The following PABPC1 variants were observed in gnomAD, a reference collection of about 807,000 sequenced individuals.
PABPC1 encodes the protein poly(A) binding protein cytoplasmic 1.
In PABPC1, 4 loss-of-function variants were observed where a neutral mutation model predicts 74.0. That is an observed-to-expected ratio of 0.05 (90% CI 0.03 to 0.12). PABPC1 has a LOEUF of 0.12. Among genes scored for constraint, PABPC1 ranks in the 10% least tolerant of loss-of-function variants. The pLI, the probability that PABPC1 is intolerant of heterozygous loss-of-function variation, is 1.00. For synonymous variants in PABPC1, 227 were observed against 264.1 expected (o/e 0.86, Z 1.36); for missense variants, 271 against 821.1 (o/e 0.33, Z 8.19).
At position 100,706,108 on chromosome 8, in the gene PABPC1, G is replaced by A. The variant is rs10105381; in HGVS notation, c.1603-435C>T. On this transcript the variant is annotated intron_variant, in intron 11 of 14. Transcript: ENST00000318607. The stretch of plus-strand genomic sequence containing the variant: ...GATCCACCTGCCTTGGCCTCCTGAA[G>A]TGCTGGGATTACATAGAGGTGTGAG... 7.3e-3 allele frequency among the ~76,000 whole-genome samples: 1,113 copies of A among 152,252 alleles called. 19 individuals carry two copies. The highest frequency in any genetic ancestry group is 0.026 in the African/African-American group (1,075 of 41,524).
At chr8:100,718,022 T>G in intron 2 of PABPC1, 65 bp downstream of exon 2, 2 of 1,456,708 alleles carry the variant, frequency 1.4e-6, no homozygotes, top group Non-Finnish European at 1.9e-6. Flanking sequence ...ACAGTTCCTA[T>G]TTCAAGCACT....
intron 5 of PABPC1, 22 bp downstream of exon 5, chr8:100,713,065 C>T (rs760620119): frequency 6.5e-7 from 1 of 1,532,788 alleles, no homozygotes; most frequent in Admixed American, 1.9e-5. Flanking sequence ...CCCCTTCTTC[C>T]TGCTGAATAC....
At chr8:100,705,893 G>A (rs1810366542) in intron 11 of PABPC1, among the ~76,000 whole-genome samples, 1 of 152,172 alleles carries the variant, frequency 6.6e-6, no homozygotes, top group Admixed American at 6.5e-5. Context: ...TTGTCGCCCA[G>A]GCTGGAATGC....
At position 100,710,244 on chromosome 8, in the gene PABPC1, A is replaced by G. The variant is rs150952391; in HGVS notation, c.973-513T>C. The stretch of plus-strand genomic sequence containing the variant: ...AGGATCCATAAATATTACGGTATAA[A>G]GAACACTCAAGAGGAAGGTTCTTCT... On this transcript the variant is annotated intron_variant, in intron 7 of 14. Transcript: ENST00000318607. Among the ~76,000 whole-genome samples, 506 of 152,356 alleles carry G rather than the reference A, an allele frequency of 3.3e-3. 8 individuals carry two copies. The highest frequency in any genetic ancestry group is 0.012 in the African/African-American group (488 of 41,578).
chr8:100,704,429 G>C (rs938330798), intron 13 of PABPC1, 39 bp from the exon 14 acceptor site: 1 of 1,507,116 alleles, frequency 6.6e-7, no homozygotes, highest in Non-Finnish European at 9.2e-7. Context: ...TTCAGGAAAG[G>C]AATGGAAATA....
At chr8:100,716,446 T>A (rs543335238) in intron 3 of PABPC1, among the ~76,000 whole-genome samples, 2 of 152,092 alleles carry the variant, frequency 1.3e-5, no homozygotes, top group Non-Finnish European at 2.9e-5. Context: ...AGGTAGCACA[T>A]GTGTCATAGC....
chr8:100,704,853 G>A (rs1287535453), intron 13 of PABPC1, 73 bp downstream of exon 13: 1 of 1,438,776 alleles, frequency 7.0e-7, no homozygotes, highest in Non-Finnish European at 9.7e-7. Context: ...TAAGTGTTCT[G>A]TACAATTAAG....
In PABPC1 at chr8:100,721,722, A is replaced by C. The variant is rs1466954581; in HGVS notation, c.-139T>G. On this transcript the variant is annotated 5_prime_UTR_variant, in exon 1 of 15. Transcript: ENST00000318607. This position sits in a 1 kb window ranked among gnomAD's most constrained non-coding sequence, Gnocchi z 7.4. ...AGGGACAAAAATCAACCGGAATTGA[A>C]AACTACTCAACGGCCGCAGAACGGG... The C allele has an allele frequency of 5.7e-6, 4 of 706,024 alleles. No individual in the cohort carries two copies. In the African/African-American group the frequency reaches 7.4e-5, roughly 13 times the overall value. The allele number at this position is 706,024 out of a possible 1,614,324, so 43.7% of individuals were successfully genotyped here.
intron 3 of PABPC1, among the ~76,000 whole-genome samples, chr8:100,716,448 T>C (rs1810672227): frequency 6.6e-6 from 1 of 152,166 alleles, no homozygotes; most frequent in African/African-American, 2.4e-5. Context: ...GTAGCACATG[T>C]GTCATAGCAT....
rs1563616239 is a variant in PABPC1 at position 100,718,294 on chromosome 8, A to G, written c.194-14T>C. 2 of 1,603,388 alleles carry G rather than the reference A, an allele frequency of 1.2e-6. No individual in the cohort carries two copies. Among genetic ancestry groups the G allele is most frequent in the African/African-American group, 1.3e-5 (1 of 74,662 alleles). ...AAGCACGCTCCGCTGCAGGAAGGAC[A>G]TTTTCAGAGTCAATATTACTTCAAA... On this transcript the variant is annotated splice_polypyrimidine_tract_variant and intron_variant, in intron 1 of 14. Transcript: ENST00000318607.
intron 7 of PABPC1, among the ~76,000 whole-genome samples, chr8:100,710,797 G>T (rs1810508118): frequency 6.6e-6 from 1 of 151,592 alleles, no homozygotes; most frequent in African/African-American, 2.4e-5. Context: ...GACCAGCCTG[G>T]CCAACGTGGC....
intron 14 of PABPC1, 63 bp downstream of exon 14, chr8:100,704,233 CA>C: frequency 8.0e-7 from 1 of 1,257,068 alleles, no homozygotes; most frequent in Non-Finnish European, 1.2e-6. Context: ...AAAATATGCT[CA>C]ACAAACTTTA....
intron 6 of PABPC1, 43 bp from the exon 7 acceptor site, chr8:100,712,500 T>A (rs755782947): frequency 6.8e-7 from 1 of 1,474,384 alleles, no homozygotes; most frequent in South Asian, 1.2e-5. Flanking sequence ...AAAACCATGG[T>A]GGTACCTAAG....
In PABPC1 at chr8:100,712,740, A is replaced by G; in HGVS notation, c.788T>C (p.Val263Ala). 6.2e-7 allele frequency: 1 copy of G among 1,613,140 alleles called. No individual in the cohort carries two copies. The highest frequency in any genetic ancestry group is 8.5e-7 in the Non-Finnish European group (1 of 1,179,830). The change falls in exon 6 of 15, where the codon GTT (valine) becomes GCT (alanine). Residue 263 changes from valine to alanine, a missense_variant. Physicochemically the swap from Val to Ala is moderately conservative, Grantham distance 64. This residue lies in a region of PABPC1 where 78 missense variants were observed against 202.8 expected (regional missense o/e 0.38). Transcript: ENST00000318607. The stretch of plus-strand genomic sequence containing the variant: ...TTCCACCTTTTTCTGAGCTCGACCA[A>G]CATAAATTTGTTTTCCATTGAGCTC... ...GKELNGKQIY[V>A]GRAQKKVERQ...
chr8:100,717,198 C>T (rs998765877), intron 3 of PABPC1, among the ~76,000 whole-genome samples: 10 of 152,020 alleles, frequency 6.6e-5, no homozygotes, highest in Non-Finnish European at 1.0e-4. Context: ...TTAGTAGAGA[C>T]GGTTTCTCCA....
intron 4 of PABPC1, among the ~76,000 whole-genome samples, chr8:100,713,702 A>G (rs891979269): frequency 6.6e-6 from 1 of 152,120 alleles, no homozygotes; most frequent in African/African-American, 2.4e-5. Context: ...TGCCCGGGCT[A>G]GTCTAAAACT....
chr8:100,707,199 T>C (rs1450811482), intron 9 of PABPC1: 2 of 462,146 alleles, frequency 4.3e-6, no homozygotes, highest in Non-Finnish European at 8.0e-6. Context: ...GACGAGTACT[T>C]ATATGTAGCG....
chr8:100,712,597 G>GT (rs1810557216), intron 6 of PABPC1, 55 bp downstream of exon 6: 1 of 1,569,468 alleles, frequency 6.4e-7, no homozygotes, highest in Non-Finnish European at 8.6e-7. Context: ...TGAAATCAAC[G>GT]TAAAATAGGT....
chr8:100,720,331 T>A (rs1473975112), intron 1 of PABPC1, among the ~76,000 whole-genome samples: 1 of 152,214 alleles, frequency 6.6e-6, no homozygotes, highest in East Asian at 1.9e-4. Context: ...GTTAGCTGCA[T>A]TTCCCCCATA....
Sources: gnomAD v4.1 joint callset for allele counts (sites outside exome capture counted in the v4.1 genomes callset) on GRCh38, gnomAD v4.1.1 for gene constraint, gnomAD v4.1.1 regional missense constraint, Gnocchi (gnomAD v3.1) non-coding constraint, MANE v1.5 for transcripts, NCBI Gene and HGNC (gene_info 2026-07-23, HGNC 2026-07-21) for gene names.